Variants in NTM observed in about 807,000 individuals in gnomAD.
NTM encodes the protein neurotrimin.
In NTM, 13 loss-of-function variants were observed where a neutral mutation model predicts 42.1. The observed-to-expected ratio is 0.31, with a 90% CI of 0.20 to 0.49. The LOEUF is 0.49. NTM is among the 20% of genes least tolerant of loss of function. The pLI, the probability that NTM is intolerant of heterozygous loss-of-function variation, is 0.99. For missense variants in NTM, 373 were observed against 452.8 expected (o/e 0.82, Z 1.60); for synonymous variants, 187 against 179.2 (o/e 1.04, Z -0.35).
chr11:131,521,243 A>G (rs2049620277), intron 1 of NTM, among the ~76,000 whole-genome samples: 1 of 150,996 alleles, frequency 6.6e-6, no homozygotes. Flanking sequence ...TGGACCCGGG[A>G]AGTGGAGGTT....
At chr11:131,854,428 A>T (rs2045906037) in intron 1 of NTM, among the ~76,000 whole-genome samples, 1 of 152,250 alleles carries the variant, frequency 6.6e-6, no homozygotes, top group Admixed American at 6.5e-5. Context: ...CGCATGGTGT[A>T]AAGTCAGGTA....
At chr11:131,405,839 C>T (rs559164514) in intron 1 of NTM, among the ~76,000 whole-genome samples, 95 of 152,294 alleles carry the variant, frequency 6.2e-4, no homozygotes, top group Middle Eastern at 6.8e-3. Context: ...CTAACCCTGT[C>T]CCTCCTTCTG....
chr11:131,606,289 C>T (rs995373325), intron 1 of NTM, among the ~76,000 whole-genome samples: 7 of 152,168 alleles, frequency 4.6e-5, no homozygotes, highest in African/African-American at 1.7e-4. Context: ...CTCTTGGCCT[C>T]AAGCGATCCT....
chr11:131,529,703 A>G (rs2050976367), intron 1 of NTM, among the ~76,000 whole-genome samples: 1 of 152,212 alleles, frequency 6.6e-6, no homozygotes, highest in Non-Finnish European at 1.5e-5. Context: ...ATTAAGAGAA[A>G]AATCAAAAGA....
At chr11:132,089,881 G>C (rs901798202) in intron 2 of NTM, among the ~76,000 whole-genome samples, 1 of 152,010 alleles carries the variant, frequency 6.6e-6, no homozygotes, top group Non-Finnish European at 1.5e-5. Context: ...TAACCAGTTA[G>C]TATGAGTTTA....
intron 4 of NTM, among the ~76,000 whole-genome samples, chr11:132,290,340 G>C (rs540072363): frequency 6.6e-6 from 1 of 151,956 alleles, no homozygotes; most frequent in Non-Finnish European, 1.5e-5. Flanking sequence ...CCTGCCCTTG[G>C]TAAATCACTG....
intron 1 of NTM, among the ~76,000 whole-genome samples, chr11:131,745,199 G>GTA (rs1462767076): frequency 2.0e-5 from 3 of 152,184 alleles, no homozygotes; most frequent in African/African-American, 7.2e-5. Context: ...TACTGGGGCT[G>GTA]TATTTCCTCG....
chr11:131,580,536 G>A (rs907846836), intron 1 of NTM, among the ~76,000 whole-genome samples: 1 of 152,146 alleles, frequency 6.6e-6, no homozygotes, highest in African/African-American at 2.4e-5. Flanking sequence ...ATTTAGGGTA[G>A]GCCAGGGCTA....
intron 2 of NTM, among the ~76,000 whole-genome samples, chr11:132,072,997 A>G (rs1387043392): frequency 1.3e-5 from 2 of 152,202 alleles, no homozygotes; most frequent in Non-Finnish European, 2.9e-5. Context: ...TCATTTGTGA[A>G]AAATGAGGCT....
intron 2 of NTM, among the ~76,000 whole-genome samples, chr11:132,089,921 T>G (rs1288843371): frequency 6.6e-6 from 1 of 151,934 alleles, no homozygotes; most frequent in Non-Finnish European, 1.5e-5. Context: ...AAATTCAAGG[T>G]TTTTTTTATA....
intron 1 of NTM, among the ~76,000 whole-genome samples, chr11:131,653,036 C>T (rs2066706324): frequency 6.6e-6 from 1 of 152,196 alleles, no homozygotes; most frequent in African/African-American, 2.4e-5. Context: ...ATTACAGCCA[C>T]CCCGCTATTT....
intron 1 of NTM, among the ~76,000 whole-genome samples, chr11:131,413,155 G>A (rs1445651104): frequency 6.6e-6 from 1 of 152,148 alleles, no homozygotes; most frequent in Non-Finnish European, 1.5e-5. Flanking sequence ...ATAGAGTCAG[G>A]TGCCAGAATA....
At chr11:131,838,255 G>C (rs2043774310) in intron 1 of NTM, among the ~76,000 whole-genome samples, 1 of 152,190 alleles carries the variant, frequency 6.6e-6, no homozygotes, top group Non-Finnish European at 1.5e-5. Flanking sequence ...GTCGGGCTCT[G>C]TCATGTGTGT....
chr11:131,406,938 C>G (rs1457021988), intron 1 of NTM, among the ~76,000 whole-genome samples: 1 of 152,194 alleles, frequency 6.6e-6, no homozygotes, highest in African/African-American at 2.4e-5. Flanking sequence ...AGGCACTTTC[C>G]TCATACAAAC....
At chr11:132,255,635 A>G (rs1290185044) in intron 4 of NTM, among the ~76,000 whole-genome samples, 1 of 152,244 alleles carries the variant, frequency 6.6e-6, no homozygotes, top group African/African-American at 2.4e-5. Context: ...TAAATTCGCA[A>G]CAGGTAAGCC....
rs146242075 is a variant in NTM at position 132,153,191 on chromosome 11, T to C, written c.400+6677T>C. ...TGAGCGGCCTCAGAGTCTAACACCATAGGATTGAGAAACATGGCTCTGATT... is the reference window on the plus strand; with the variant it reads ...TGAGCGGCCTCAGAGTCTAACACCACAGGATTGAGAAACATGGCTCTGATT... On this transcript the variant is annotated intron_variant, in intron 3 of 8. Transcript: ENST00000683400. Among the ~76,000 whole-genome samples, 505 of 152,322 alleles carry C rather than the reference T, an allele frequency of 3.3e-3. 3 individuals carry two copies. Among genetic ancestry groups the C allele is most frequent in the African/African-American group, 0.011 (474 of 41,568 alleles).
chr11:132,171,635 A>G (rs2076134742), intron 3 of NTM, among the ~76,000 whole-genome samples: 1 of 152,136 alleles, frequency 6.6e-6, no homozygotes, highest in East Asian at 1.9e-4. Context: ...CATTCATTCC[A>G]TTGCTTTGTC....
chr11:132,176,169 C>T lies in NTM; in HGVS notation c.400+29655C>T, dbSNP rs561813078. 8.4e-4 allele frequency among the ~76,000 whole-genome samples: 128 copies of T among 152,040 alleles called. 1 individual carries two copies. The highest frequency in any genetic ancestry group is 1.4e-3 in the Non-Finnish European group (92 of 67,978). On this transcript the variant is annotated intron_variant, in intron 3 of 8. Transcript: ENST00000683400. ...TGTGGAAGAGAAGCAGTGTTGTGTG[C>T]GAGGGACACGCTGATTCATCTGTCC... is the stretch of plus-strand genomic sequence containing the variant.
At chr11:131,962,128 A>G (rs890686918) in intron 2 of NTM, among the ~76,000 whole-genome samples, 38 of 152,186 alleles carry the variant, frequency 2.5e-4, no homozygotes, top group African/African-American at 8.4e-4. Flanking sequence ...GCTCCTTAGC[A>G]TACTTTCCTG....
Sources: gnomAD v4.1 joint callset for allele counts (sites outside exome capture counted in the v4.1 genomes callset) on GRCh38, gnomAD v4.1.1 for gene constraint, MANE v1.5 for transcripts, NCBI Gene and HGNC (gene_info 2026-07-23, HGNC 2026-07-21) for gene names.